Variants in STXBP5L observed in about 807,000 individuals in gnomAD.
The protein encoded by STXBP5L is syntaxin binding protein 5L.
In STXBP5L, 65 loss-of-function variants were observed where a neutral mutation model predicts 144.5. That is an observed-to-expected ratio of 0.45 (90% CI 0.37 to 0.55). The LOEUF (loss-of-function observed/expected upper bound fraction) is 0.55. Ranked by LOEUF, STXBP5L falls within the 20% of genes least tolerant of loss-of-function variation. The probability of loss-of-function intolerance (pLI) is 0.00; values close to 1 mark genes in which losing one functional copy is unlikely to be tolerated. For missense variants in STXBP5L, 1,298 were observed against 1,405.5 expected, an observed-to-expected ratio of 0.92 and a Z score of 1.22; for synonymous variants, 505 against 469.6, an observed-to-expected ratio of 1.08 and a Z score of -0.97.
chr3:120,984,387 A>C (rs1942087265), intron 3 of STXBP5L, among the ~76,000 whole-genome samples: 1 of 151,970 alleles, frequency 6.6e-6, no homozygotes, highest in African/African-American at 2.4e-5. Context: ...TAGTTTCTTG[A>C]ATTTTTGTGT....
chr3:120,983,430 A>C (rs369495596), intron 3 of STXBP5L, among the ~76,000 whole-genome samples: 23 of 151,952 alleles, frequency 1.5e-4, no homozygotes, highest in South Asian at 1.0e-3. Context: ...AAGGTGTTTG[A>C]GTGCCCTGCT....
At position 121,381,308 on chromosome 3, in the gene STXBP5L, C is replaced by T. The variant is rs866064328; in HGVS notation, c.2363C>T (p.Ser788Phe). Residue 788 changes from serine (S) to phenylalanine (F), a missense_variant, in exon 22 of 27, where the codon TCC becomes TTC. By Grantham distance (155) the Ser-to-Phe change is radical. Coordinates refer to ENST00000471454, the MANE Select transcript of STXBP5L (RefSeq NM_001308330.2). ...PVTTEENREN[S>F]YNRSRSSSIS... ...ATTTCCATAGAAAACCGAGAAAATTCCTATAATCGTTCTAGAAGCTCTAGT... is the reference window on the plus strand; with the variant it reads ...ATTTCCATAGAAAACCGAGAAAATTTCTATAATCGTTCTAGAAGCTCTAGT... 1.9e-6 allele frequency: 3 copies of T among 1,580,214 alleles called. No individual in the cohort carries two copies. In the East Asian group the frequency reaches 6.8e-5, roughly 36 times the overall value.
At chr3:121,126,969 G>A (rs1472986224) in intron 7 of STXBP5L, among the ~76,000 whole-genome samples, 5 of 151,926 alleles carry the variant, frequency 3.3e-5, no homozygotes, top group South Asian at 2.1e-4. Flanking sequence ...ACTGGGAAAC[G>A]TTCTTCACTT....
At chr3:121,063,011 A>C (rs561791413) in intron 5 of STXBP5L, among the ~76,000 whole-genome samples, 2 of 152,178 alleles carry the variant, frequency 1.3e-5, no homozygotes, top group Non-Finnish European at 2.9e-5. Context: ...ACTTCTGTCA[A>C]TTCATCAAAC....
intron 20 of STXBP5L, among the ~76,000 whole-genome samples, chr3:121,332,587 A>G (rs2044356921): frequency 6.6e-6 from 1 of 152,088 alleles, no homozygotes; most frequent in African/African-American, 2.4e-5. Context: ...AGTTTAAAAA[A>G]ATGAACAAAG....
intron 5 of STXBP5L, among the ~76,000 whole-genome samples, chr3:121,046,090 C>T (rs1169875092): frequency 6.6e-6 from 1 of 151,844 alleles, no homozygotes; most frequent in Non-Finnish European, 1.5e-5. Flanking sequence ...TCGAATTGTA[C>T]CAGAAGACTT....
intron 5 of STXBP5L, among the ~76,000 whole-genome samples, chr3:121,056,153 C>G (rs1169229544): frequency 6.6e-6 from 1 of 152,072 alleles, no homozygotes. Context: ...GGACTTCTTA[C>G]AAATACGATT....
At chr3:121,024,413 GT>G (rs1427984829) in intron 3 of STXBP5L, among the ~76,000 whole-genome samples, 2 of 152,068 alleles carry the variant, frequency 1.3e-5, no homozygotes, top group Non-Finnish European at 2.9e-5. Flanking sequence ...TCTTTTTGGG[GT>G]TACTACTGAA....
chr3:121,129,909 T>A (rs2044894850), intron 7 of STXBP5L, among the ~76,000 whole-genome samples: 1 of 151,954 alleles, frequency 6.6e-6, no homozygotes, highest in African/African-American at 2.4e-5. Context: ...GGTCTTAGGG[T>A]CTGGGGCATA....
intron 19 of STXBP5L, among the ~76,000 whole-genome samples, chr3:121,283,361 A>G (rs1235953193): frequency 1.3e-5 from 2 of 152,078 alleles, no homozygotes; most frequent in East Asian, 3.9e-4. Flanking sequence ...GAAGTTGAGT[A>G]ATTTTTGCTC....
intron 3 of STXBP5L, among the ~76,000 whole-genome samples, chr3:121,009,953 A>G (rs367793097): frequency 1.3e-5 from 2 of 151,946 alleles, no homozygotes; most frequent in African/African-American, 2.4e-5. Context: ...GATATTTTCA[A>G]CACATCAACA....
chr3:121,111,727 C>T (rs866081842), intron 5 of STXBP5L, among the ~76,000 whole-genome samples: 4 of 152,256 alleles, frequency 2.6e-5, no homozygotes, highest in Admixed American at 6.5e-5. Flanking sequence ...ATCCACTTAA[C>T]GAAGCACTCT....
chr3:121,232,624 G>T (rs190271341), intron 11 of STXBP5L, among the ~76,000 whole-genome samples: 37 of 152,176 alleles, frequency 2.4e-4, no homozygotes, highest in African/African-American at 8.9e-4. Context: ...AGGATTTAGA[G>T]AAGTCCGATT....
chr3:120,970,458 G>A (rs1230537846), intron 3 of STXBP5L, among the ~76,000 whole-genome samples: 1 of 152,158 alleles, frequency 6.6e-6, no homozygotes, highest in Non-Finnish European at 1.5e-5. Flanking sequence ...AGTATTTTTG[G>A]ATGGCAATTT....
intron 3 of STXBP5L, among the ~76,000 whole-genome samples, chr3:121,006,153 G>A (rs1240646937): frequency 3.3e-5 from 5 of 152,154 alleles, no homozygotes; most frequent in Non-Finnish European, 5.9e-5. Context: ...ACAGTGGGGT[G>A]TTAAAGTCTC....
chr3:121,208,951 A>G (rs1032284744), intron 10 of STXBP5L, among the ~76,000 whole-genome samples: 11 of 151,732 alleles, frequency 7.2e-5, no homozygotes, highest in African/African-American at 2.4e-4. Context: ...ACGGTGTGTG[A>G]TGTTCCCCTC....
intron 3 of STXBP5L, among the ~76,000 whole-genome samples, chr3:121,024,966 T>A (rs1945822055): frequency 6.6e-6 from 1 of 152,196 alleles, no homozygotes; most frequent in African/African-American, 2.4e-5. Context: ...ATATTGTATA[T>A]AACAGAATGT....
intron 9 of STXBP5L, among the ~76,000 whole-genome samples, chr3:121,171,891 C>T (rs2046732929): frequency 6.6e-6 from 1 of 152,114 alleles, no homozygotes; most frequent in Non-Finnish European, 1.5e-5. Flanking sequence ...CCTGTATAGC[C>T]AAGACAATCC....
chr3:120,964,172 T>C (rs945675010), intron 3 of STXBP5L, among the ~76,000 whole-genome samples: 5 of 152,214 alleles, frequency 3.3e-5, no homozygotes, highest in Admixed American at 1.3e-4. Flanking sequence ...TTTTCTTCTT[T>C]ATTAGTCTTG....
Sources: allele counts gnomAD v4.1 joint callset (sites outside exome capture counted in the v4.1 genomes callset), GRCh38; gene constraint gnomAD v4.1.1; transcripts MANE v1.5; gene names NCBI Gene and HGNC (gene_info 2026-07-23, HGNC 2026-07-21).